The following RBFOX1 variants were observed in gnomAD, a reference collection of about 807,000 sequenced individuals.
The protein encoded by RBFOX1 is RNA binding protein fox-1 homolog 1.
Under a neutral mutation model 57.7 loss-of-function variants are expected in RBFOX1, and 8 were observed. The observed-to-expected ratio is 0.14, with a 90% CI of 0.08 to 0.25. The LOEUF (loss-of-function observed/expected upper bound fraction) is 0.25, where lower values mean the gene tolerates loss of function less well. RBFOX1 is among the 10% of genes least tolerant of loss of function. The pLI is 1.00. For missense variants in RBFOX1, 611 were observed against 548.5 expected (o/e 1.11, Z -1.14); for synonymous variants, 326 against 222.4 (o/e 1.47, Z -4.15).
At chr16:6,042,548 T>C (rs907770803) in intron 1 of RBFOX1, among the ~76,000 whole-genome samples, 1 of 152,018 alleles carries the variant, frequency 6.6e-6, no homozygotes, top group Non-Finnish European at 1.5e-5. Flanking sequence ...TATTTACAGG[T>C]TTTTGGGAAT....
chr16:6,786,276 T>C (rs1452368306), intron 3 of RBFOX1, among the ~76,000 whole-genome samples: 1 of 152,164 alleles, frequency 6.6e-6, no homozygotes, highest in African/African-American at 2.4e-5. Flanking sequence ...CGGGGCTTTT[T>C]GGCTCTGAGA....
chr16:5,393,984 G>A (rs925991332), intron 1 of RBFOX1, among the ~76,000 whole-genome samples: 5 of 151,944 alleles, frequency 3.3e-5, no homozygotes, highest in Admixed American at 1.3e-4. Context: ...TTGTCTTTTC[G>A]TGTCTGGCTG....
At chr16:7,349,225 T>G (rs553105384) in intron 4 of RBFOX1, among the ~76,000 whole-genome samples, 1 of 152,146 alleles carries the variant, frequency 6.6e-6, no homozygotes, top group African/African-American at 2.4e-5. Context: ...GATCAAGATA[T>G]CTTCCTGGCA....
intron 1 of RBFOX1, among the ~76,000 whole-genome samples, chr16:6,256,007 T>G (rs1218186915): frequency 6.6e-6 from 1 of 151,076 alleles, no homozygotes; most frequent in Non-Finnish European, 1.5e-5. Flanking sequence ...TGTATATCTA[T>G]GTAACCTGCA....
Position 7,661,250 on chromosome 16 carries a change from A to G in RBFOX1, c.891-3679A>G, listed in dbSNP as rs1022501853. Among the ~76,000 whole-genome samples the G allele has an allele frequency of 5.3e-5, 8 of 152,164 alleles. No homozygotes were observed. The East Asian group carries it at 9.6e-4, about 18-fold the overall frequency. ...CGTCCTTTCCATTTCTCTCCAATAC[A>G]TGTGCACTTTGAAAACAAGTAATCC... On this transcript the variant is annotated intron_variant, in intron 12 of 15. Coordinates refer to ENST00000550418, the MANE Select transcript of RBFOX1 (RefSeq NM_018723.4).
intron 4 of RBFOX1, among the ~76,000 whole-genome samples, chr16:7,228,691 C>G (rs146597611): frequency 3.9e-5 from 6 of 152,282 alleles, no homozygotes; most frequent in East Asian, 1.9e-4. Context: ...TTTATTCAGT[C>G]AAAGCTCAAT....
chr16:5,631,035 G>A (rs768600220), intron 3 of RBFOX1, among the ~76,000 whole-genome samples: 6 of 152,206 alleles, frequency 3.9e-5, no homozygotes, highest in Non-Finnish European at 8.8e-5. Context: ...GTATCTAGAG[G>A]TTGTCCACAA....
At chr16:7,300,982 G>A (rs530076351) in intron 4 of RBFOX1, among the ~76,000 whole-genome samples, 1 of 152,140 alleles carries the variant, frequency 6.6e-6, no homozygotes, top group Non-Finnish European at 1.5e-5. Context: ...TTTGTGGAGA[G>A]ATAAGAGTAT....
intron 4 of RBFOX1, among the ~76,000 whole-genome samples, chr16:7,084,944 A>G (rs898120050): frequency 3.3e-5 from 5 of 152,006 alleles, no homozygotes; most frequent in Admixed American, 1.3e-4. Flanking sequence ...CCATGCATCT[A>G]TTCATCTATC....
chr16:7,034,709 A>G (rs2043781802), intron 3 of RBFOX1, among the ~76,000 whole-genome samples: 1 of 151,312 alleles, frequency 6.6e-6, no homozygotes, highest in Non-Finnish European at 1.5e-5. Context: ...CAGTGAGGAC[A>G]CCTCACATCA....
intron 4 of RBFOX1, among the ~76,000 whole-genome samples, chr16:7,487,148 C>T (rs996895713): frequency 1.3e-5 from 2 of 152,180 alleles, no homozygotes; most frequent in Non-Finnish European, 2.9e-5. Flanking sequence ...GATTTACCCG[C>T]CTCGGCCTCC....
At chr16:5,321,928 T>C (rs1461801175) in intron 1 of RBFOX1, among the ~76,000 whole-genome samples, 1 of 152,150 alleles carries the variant, frequency 6.6e-6, no homozygotes, top group Non-Finnish European at 1.5e-5. Flanking sequence ...GATTGCTCAT[T>C]GCTCTCTTGC....
chr16:6,131,011 A>C (rs1318628745), intron 1 of RBFOX1, among the ~76,000 whole-genome samples: 1 of 152,192 alleles, frequency 6.6e-6, no homozygotes, highest in Non-Finnish European at 1.5e-5. Context: ...GATGTGGATG[A>C]ATCTCATATA....
At chr16:6,475,233 AC>A (rs149465283) in intron 2 of RBFOX1, among the ~76,000 whole-genome samples, 229 of 152,358 alleles carry the variant, frequency 1.5e-3, no homozygotes, top group African/African-American at 5.4e-3. Flanking sequence ...ATTATAAAAC[AC>A]ATTGAAAACA....
chr16:7,404,303 T>C (rs952157026), intron 4 of RBFOX1, among the ~76,000 whole-genome samples: 4 of 152,122 alleles, frequency 2.6e-5, no homozygotes, highest in Non-Finnish European at 5.9e-5. Flanking sequence ...TCTGCCTGCC[T>C]CAGCCTCCCA....
rs758024461 is a variant in RBFOX1 at position 6,719,966 on chromosome 16, C to T, written c.-16+65316C>T. On this transcript the variant is annotated intron_variant, in intron 3 of 15. Transcript: ENST00000550418. ...GAAATTAGCCGGGGGTGATGGCAGG[C>T]GTCTATAATCCCAGCTACCTGGGAG... Among the ~76,000 whole-genome samples the T allele has an allele frequency of 6.8e-4, 104 of 151,838 alleles. 1 individual carries two copies. Among genetic ancestry groups the T allele is most frequent in the Non-Finnish European group, 1.0e-3 (70 of 67,974 alleles).
chr16:5,891,659 C>T (rs1327642993), intron 4 of RBFOX1, among the ~76,000 whole-genome samples: 4 of 152,038 alleles, frequency 2.6e-5, no homozygotes, highest in Admixed American at 1.3e-4. Flanking sequence ...TGGGTCCTGG[C>T]CATGTGCCTA....
chr16:6,535,780 AT>A (rs762644147), intron 2 of RBFOX1, among the ~76,000 whole-genome samples: 8 of 152,336 alleles, frequency 5.3e-5, no homozygotes, highest in Non-Finnish European at 8.8e-5. Context: ...GCATATGTGT[AT>A]TTAATTAGTC....
chr16:6,207,715 C>A (rs775376530), intron 1 of RBFOX1, among the ~76,000 whole-genome samples: 1 of 151,886 alleles, frequency 6.6e-6, no homozygotes, highest in Non-Finnish European at 1.5e-5. Context: ...TGAGACAGGG[C>A]CTCACTCTGT....
Sources: gnomAD v4.1 joint callset for allele counts (sites outside exome capture counted in the v4.1 genomes callset) on GRCh38, gnomAD v4.1.1 for gene constraint, MANE v1.5 for transcripts, NCBI Gene and HGNC (gene_info 2026-07-23, HGNC 2026-07-21) for gene names.